Variants in SPTLC3 observed in about 807,000 individuals in gnomAD.
SPTLC3 encodes serine palmitoyltransferase long chain base subunit 3.
Under a neutral mutation model 59.3 loss-of-function variants are expected in SPTLC3, and 36 were observed. That is an observed-to-expected ratio of 0.61 (90% CI 0.47 to 0.80). SPTLC3 has a LOEUF of 0.80. Among genes scored for constraint, SPTLC3 ranks in the 30% least tolerant of loss-of-function variants. The pLI, the probability that SPTLC3 is intolerant of heterozygous loss-of-function variation, is 0.00. For missense variants in SPTLC3, 625 were observed against 685.1 expected (o/e 0.91, Z 0.98); for synonymous variants, 257 against 240.8 (o/e 1.07, Z -0.62).
At chr20:13,089,797 A>C (rs200552689) in intron 4 of SPTLC3, among the ~76,000 whole-genome samples, 1 of 144,160 alleles carries the variant, frequency 6.9e-6, no homozygotes, top group Non-Finnish European at 1.5e-5. Flanking sequence ...AAAAAAAAAA[A>C]AAAAAAACAA....
At chr20:13,110,774 C>A (rs1329247259) in intron 7 of SPTLC3, among the ~76,000 whole-genome samples, 1 of 152,082 alleles carries the variant, frequency 6.6e-6, no homozygotes, top group South Asian at 2.1e-4. Context: ...AGTCCATAAG[C>A]CAAGGAGACA....
chr20:13,060,768 G>A (rs1471366329), intron 2 of SPTLC3, among the ~76,000 whole-genome samples: 1 of 149,094 alleles, frequency 6.7e-6, no homozygotes, highest in Non-Finnish European at 1.5e-5. Flanking sequence ...CCCTGTTGCT[G>A]CAAAAGACAT....
chr20:13,086,728 G>A (rs1189780996), intron 4 of SPTLC3, among the ~76,000 whole-genome samples: 1 of 152,098 alleles, frequency 6.6e-6, no homozygotes. Context: ...TCAGACCTCA[G>A]ATGGACACCT....
intron 6 of SPTLC3, among the ~76,000 whole-genome samples, chr20:13,100,743 A>T (rs925853093): frequency 3.3e-5 from 5 of 152,222 alleles, no homozygotes; most frequent in African/African-American, 1.2e-4. Flanking sequence ...TTTAACAGCA[A>T]CCCAGATACA....
At chr20:13,062,961 C>A (rs567042303) in intron 2 of SPTLC3, among the ~76,000 whole-genome samples, 1 of 152,268 alleles carries the variant, frequency 6.6e-6, no homozygotes, top group Admixed American at 6.5e-5. Flanking sequence ...CTTTCTGAGT[C>A]CAAGGCATGC....
intron 1 of SPTLC3, among the ~76,000 whole-genome samples, chr20:13,039,238 A>G (rs6041794): frequency 0.14 from 21,353 of 151,968 alleles, 2,256 homozygotes; most frequent in African/African-American, 0.3. Context: ...CTCTAATATT[A>G]TTATGAAATT....
At chr20:13,088,075 C>A (rs1015067571) in intron 4 of SPTLC3, among the ~76,000 whole-genome samples, 1 of 152,196 alleles carries the variant, frequency 6.6e-6, no homozygotes, top group African/African-American at 2.4e-5. Flanking sequence ...CTCCTCATGC[C>A]CAGGCTGTTG....
intron 9 of SPTLC3, among the ~76,000 whole-genome samples, chr20:13,129,973 T>C (rs1187617445): frequency 6.6e-6 from 1 of 151,526 alleles, no homozygotes; most frequent in Non-Finnish European, 1.5e-5. Flanking sequence ...ATGTGTATGG[T>C]CTGGTTTTTT....
intron 6 of SPTLC3, among the ~76,000 whole-genome samples, chr20:13,103,899 C>A (rs1989725863): frequency 6.6e-6 from 1 of 152,224 alleles, no homozygotes; most frequent in African/African-American, 2.4e-5. Context: ...ACACTATGAA[C>A]TATGCCCTAC....
chr20:13,142,700 G>A lies in SPTLC3; in HGVS notation c.1280-11303G>A, dbSNP rs907006849. Among the ~76,000 whole-genome samples, 35 of 152,210 alleles carry A rather than the reference G, an allele frequency of 2.3e-4. 1 individual carries two copies. Among genetic ancestry groups the A allele is most frequent in the Non-Finnish European group, 4.4e-5 (3 of 68,044 alleles). On this transcript the variant is annotated intron_variant, in intron 9 of 11. Coordinates refer to ENST00000399002, the MANE Select transcript of SPTLC3 (RefSeq NM_018327.4). Reference sequence around the variant, plus strand: ...TGCTGAAATCAAGGTGTCAGCAGCTGCTGTTTTATCTGGAGCTCAGGCACC... The same window carrying A: ...TGCTGAAATCAAGGTGTCAGCAGCTACTGTTTTATCTGGAGCTCAGGCACC...
chr20:13,127,043 G>C lies in SPTLC3; in HGVS notation c.1279+326G>C, dbSNP rs907552190. Among the ~76,000 whole-genome samples the C allele has an allele frequency of 2.8e-4, 43 of 152,318 alleles. 1 individual carries two copies. Among genetic ancestry groups the C allele is most frequent in the Non-Finnish European group, 1.0e-4 (7 of 68,034 alleles). ...ACATGTTTGCCTGTGCTTGCTTGGG[G>C]CTGTCACTTGTGTTTCCCTAAGACC... On this transcript the variant is annotated intron_variant, in intron 9 of 11. Transcript: ENST00000399002.
chr20:13,079,662 TG>T (rs1468804810), intron 4 of SPTLC3: 1 of 403,364 alleles, frequency 2.5e-6, no homozygotes, highest in Non-Finnish European at 5.1e-6. Flanking sequence ...GTTTCCTTGA[TG>T]TGCGCAATGC....
chr20:13,055,147 G>A lies in SPTLC3; in HGVS notation c.303+6017G>A, dbSNP rs184915053. Among the ~76,000 whole-genome samples, 63 of 152,054 alleles carry A rather than the reference G, an allele frequency of 4.1e-4. 2 individuals carry two copies. Among genetic ancestry groups the A allele is most frequent in the South Asian group, 3.3e-3 (16 of 4,796 alleles). ...AGGGGAATCTCAAGTTCTAGTTTGG[G>A]CAGATACATGGATAGCAACATCACA... On this transcript the variant is annotated intron_variant, in intron 2 of 11. Transcript: ENST00000399002.
chr20:13,046,925 C>A (rs185766009), intron 1 of SPTLC3, among the ~76,000 whole-genome samples: 6 of 152,148 alleles, frequency 3.9e-5, no homozygotes, highest in Admixed American at 6.6e-5. Context: ...AATGCTCTTT[C>A]ATTTTCATTA....
chr20:13,115,942 C>G (rs1990520737), intron 7 of SPTLC3, among the ~76,000 whole-genome samples: 2 of 152,182 alleles, frequency 1.3e-5, no homozygotes, highest in Admixed American at 1.3e-4. Context: ...GCCAGATGGC[C>G]AGACTGTCTT....
chr20:13,030,749 C>T (rs905492851), intron 1 of SPTLC3, among the ~76,000 whole-genome samples: 1 of 152,068 alleles, frequency 6.6e-6, no homozygotes, highest in South Asian at 2.1e-4. Context: ...CTACCCCAAC[C>T]GCACACCCTC....
intron 2 of SPTLC3, among the ~76,000 whole-genome samples, chr20:13,056,509 G>A (rs1987735414): frequency 7.1e-6 from 1 of 140,154 alleles, no homozygotes. Context: ...GCAGACTAAT[G>A]CAATCTCGGC....
intron 9 of SPTLC3, among the ~76,000 whole-genome samples, chr20:13,147,402 C>G (rs1191392542): frequency 6.6e-6 from 1 of 152,116 alleles, no homozygotes; most frequent in Admixed American, 6.5e-5. Context: ...CTCTCTGCCC[C>G]TGAGTGTGTT....
At chr20:13,100,960 G>A (rs1301694778) in intron 6 of SPTLC3, among the ~76,000 whole-genome samples, 2 of 75,156 alleles carry the variant, frequency 2.7e-5, no homozygotes, top group African/African-American at 6.8e-5. Flanking sequence ...AGTGATGCCA[G>A]GAAGCACCAG....
Sources: allele counts gnomAD v4.1 joint callset (sites outside exome capture counted in the v4.1 genomes callset), GRCh38; gene constraint gnomAD v4.1.1; transcripts MANE v1.5; gene names NCBI Gene and HGNC (gene_info 2026-07-23, HGNC 2026-07-21).